Variants in JAM2 observed in about 807,000 individuals in gnomAD.
JAM2 encodes junctional adhesion molecule 2, also known as junctional adhesion molecule B.
Under a neutral mutation model 42.0 loss-of-function variants are expected in JAM2, and 17 were observed. The observed-to-expected ratio is 0.40, with a 90% CI of 0.28 to 0.61. The LOEUF is 0.61. Among genes scored for constraint, JAM2 ranks in the 20% least tolerant of loss-of-function variants. The pLI is 0.37. For synonymous variants in JAM2, 118 were observed against 128.6 expected (o/e 0.92, Z 0.56); for missense variants, 319 against 358.3 (o/e 0.89, Z 0.89).
At chr21:25,692,022 A>AT (rs34182391) in intron 3 of JAM2, among the ~76,000 whole-genome samples, 1 of 151,408 alleles carries the variant, frequency 6.6e-6, no homozygotes, top group Non-Finnish European at 1.5e-5. Context: ...AAAAAAAAAA[A>AT]TTTACATACA....
chr21:25,707,193 A>G (rs2034290190), intron 7 of JAM2, among the ~76,000 whole-genome samples: 1 of 152,132 alleles, frequency 6.6e-6, no homozygotes, highest in South Asian at 2.1e-4. Flanking sequence ...TTAGAAGAGA[A>G]TTGTTCAGCT....
chr21:25,688,243 G>GGTGTGTGTGTGTGTGTGTGTGT lies in JAM2; in HGVS notation c.134-1616_134-1595dup, dbSNP rs147927864. Among the ~76,000 whole-genome samples the GGTGTGTGTGTGTGTGTGTGTGT allele has an allele frequency of 2.0e-3, 293 of 149,804 alleles. 1 individual carries two copies. The highest frequency in any genetic ancestry group is 0.01 in the East Asian group (53 of 5,084). On this transcript the variant is annotated intron_variant, in intron 2 of 9. Transcript: ENST00000480456. ...AAATTAGGAAGAATTCACCAGGAGG[G>GGTGTGTGTGTGTGTGTGTGTGT]GTGTGTGTGTGTGTGTGTGTGTGTG...
At chr21:25,667,096 T>A (rs932918632) in intron 1 of JAM2, among the ~76,000 whole-genome samples, 2 of 152,234 alleles carry the variant, frequency 1.3e-5, no homozygotes, top group Non-Finnish European at 2.9e-5. Flanking sequence ...CAGTTTTCCT[T>A]TTTGCAATTT....
At chr21:25,648,750 G>A (rs73159764) in intron 1 of JAM2, among the ~76,000 whole-genome samples, 5,702 of 152,170 alleles carry the variant, frequency 0.037, 156 homozygotes, top group Middle Eastern at 0.058. Context: ...ATTTTTCCAT[G>A]TATATCTCTC....
chr21:25,707,513 T>C (rs2123414261), intron 7 of JAM2, among the ~76,000 whole-genome samples: 3 of 152,246 alleles, frequency 2.0e-5, no homozygotes, highest in Middle Eastern at 6.8e-3. Flanking sequence ...AATTGTTCAG[T>C]CAAAAATAGA....
chr21:25,651,616 C>T (rs2032784471), intron 1 of JAM2, among the ~76,000 whole-genome samples: 1 of 152,234 alleles, frequency 6.6e-6, no homozygotes, highest in South Asian at 2.1e-4. Flanking sequence ...AACCCCGTTA[C>T]TGGGAACCTG....
chr21:25,690,064 G>C (rs1460946072), intron 3 of JAM2, 91 bp downstream of exon 3: 1 of 783,746 alleles, frequency 1.3e-6, no homozygotes, highest in Non-Finnish European at 2.2e-6. Flanking sequence ...GGACATGACT[G>C]ATTACTGAAA....
At chr21:25,704,231 C>G (rs1402588345) in intron 6 of JAM2, among the ~76,000 whole-genome samples, 1 of 152,102 alleles carries the variant, frequency 6.6e-6, no homozygotes, top group African/African-American at 2.4e-5. Flanking sequence ...TCTCTCTGCT[C>G]TTTTTAATCC....
At chr21:25,647,814 A>C (rs2032655874) in intron 1 of JAM2, among the ~76,000 whole-genome samples, 1 of 152,260 alleles carries the variant, frequency 6.6e-6, no homozygotes, top group African/African-American at 2.4e-5. Context: ...TTTTTAAAGG[A>C]GACCAAAGAG....
intron 6 of JAM2, among the ~76,000 whole-genome samples, chr21:25,705,240 CTTTTT>C (rs768712193): frequency 1.3e-5 from 2 of 151,674 alleles, no homozygotes; most frequent in Non-Finnish European, 2.9e-5. Context: ...ATGACATGTG[CTTTTT>C]TTTAAGAGAC....
Position 25,649,313 on chromosome 21 carries a change from G to T in JAM2, c.67+9425G>T, listed in dbSNP as rs1056258210. ...CTCTCAGTTTCGCATGGCTGGGGAGGCCTCAGGAAACTTACAATCATGGCA... is the reference window on the plus strand; with the variant it reads ...CTCTCAGTTTCGCATGGCTGGGGAGTCCTCAGGAAACTTACAATCATGGCA... On this transcript the variant is annotated intron_variant, in intron 1 of 9. Coordinates refer to ENST00000480456, the MANE Select transcript of JAM2 (RefSeq NM_021219.4). Among the ~76,000 whole-genome samples the T allele has an allele frequency of 5.3e-5, 8 of 152,306 alleles. 1 individual carries two copies. The highest frequency in any genetic ancestry group is 3.4e-3 in the Middle Eastern group (1 of 294).
Position 25,698,795 on chromosome 21 carries a change from T to A in JAM2, c.513T>A (p.Asp171Glu), listed in dbSNP as rs1203172651. The part of the protein sequence containing the change: ...NPAPEYTWFK[D>E]GIRLLENPRL... ...CTCCTGAATACACATGGTTTAAGGA[T>A]GGCATCCGTTTGCTAGAAAATCCCA... Residue 171 changes from aspartate (D) to glutamate (E), a missense_variant, in exon 5 of 10, where the codon GAT (aspartate) becomes GAA (glutamate). Asp to Glu is a conservative substitution (Grantham distance 45, BLOSUM62 2). Coordinates refer to ENST00000480456, the MANE Select transcript of JAM2 (RefSeq NM_021219.4). 8.7e-6 allele frequency: 14 copies of A among 1,614,170 alleles called. No homozygotes were observed. Among genetic ancestry groups the A allele is most frequent in the Non-Finnish European group, 1.1e-5 (13 of 1,180,010 alleles).
chr21:25,679,856 G>A (rs1015728005), intron 1 of JAM2, among the ~76,000 whole-genome samples: 1 of 152,176 alleles, frequency 6.6e-6, no homozygotes, highest in Non-Finnish European at 1.5e-5. Context: ...GGGGATCACG[G>A]TGTGGGCCTA....
At chr21:25,700,092 GGAATACTGATGACAATCTATAAGCAA>G (rs369890979) in intron 5 of JAM2, among the ~76,000 whole-genome samples, 5 of 152,058 alleles carry the variant, frequency 3.3e-5, no homozygotes, top group African/African-American at 1.2e-4. Flanking sequence ...AGACTTTCTA[GGAATACTGATGACAATCTATAAGCAA>G]GCTCTGTGAA....
chr21:25,641,505 G>A (rs1316516803), intron 1 of JAM2, among the ~76,000 whole-genome samples: 8 of 152,110 alleles, frequency 5.3e-5, no homozygotes, highest in Non-Finnish European at 1.5e-5. Flanking sequence ...TATAGGGGAT[G>A]TATTTGGAAG....
chr21:25,657,403 C>T (rs544291841), intron 1 of JAM2, among the ~76,000 whole-genome samples: 2 of 152,304 alleles, frequency 1.3e-5, no homozygotes, highest in East Asian at 3.9e-4. Context: ...GGTTGGTGGA[C>T]AGAATCACCT....
intron 1 of JAM2, 46 bp from the exon 2 acceptor site, chr21:25,683,837 G>T (rs2033690686): frequency 7.2e-7 from 1 of 1,380,408 alleles, no homozygotes; most frequent in South Asian, 1.2e-5. Context: ...ATTTGAAAAT[G>T]AACTTTTGTA....
At chr21:25,685,350 G>C (rs2033726618) in intron 2 of JAM2, among the ~76,000 whole-genome samples, 1 of 151,590 alleles carries the variant, frequency 6.6e-6, no homozygotes, top group Admixed American at 6.6e-5. Flanking sequence ...TGAAGACCCT[G>C]TTTCTACAAA....
At chr21:25,688,615 A>C (rs1210853790) in intron 2 of JAM2, among the ~76,000 whole-genome samples, 1 of 152,198 alleles carries the variant, frequency 6.6e-6, no homozygotes, top group Non-Finnish European at 1.5e-5. Context: ...ACCTGCTTTA[A>C]AAACTTTAGA....
Sources: gnomAD v4.1 joint callset for allele counts (sites outside exome capture counted in the v4.1 genomes callset) on GRCh38, gnomAD v4.1.1 for gene constraint, MANE v1.5 for transcripts, NCBI Gene and HGNC (gene_info 2026-07-23, HGNC 2026-07-21) for gene names.